The following PHF14 variants were observed in gnomAD, a reference collection of about 807,000 sequenced individuals.
PHF14 encodes the protein PHD finger protein 14.
In PHF14, 55 loss-of-function variants were observed where a neutral mutation model predicts 117.9. That is an observed-to-expected ratio of 0.47 (90% confidence interval 0.38 to 0.58). The LOEUF is 0.58. PHF14 is among the 20% of genes least tolerant of loss of function. PHF14 has a pLI of 0.00. For synonymous variants in PHF14, 409 were observed against 368.6 expected, an observed-to-expected ratio of 1.11 and a Z score of -1.26; for missense variants, 978 against 1,122.2, an observed-to-expected ratio of 0.87 and a Z score of 1.84.
chr7:11,138,607 A>G (rs1788310118), intron 17 of PHF14, among the ~76,000 whole-genome samples: 1 of 152,226 alleles, frequency 6.6e-6, no homozygotes, highest in Admixed American at 6.5e-5. Context: ...AGAATAAAAT[A>G]AAACAATAAC....
At chr7:11,112,161 T>C (rs1013345240) in intron 17 of PHF14, among the ~76,000 whole-genome samples, 3 of 152,198 alleles carry the variant, frequency 2.0e-5, no homozygotes, top group African/African-American at 7.2e-5. Flanking sequence ...AAATACTGAA[T>C]ACATTTGAAT....
chr7:11,028,858 A>T, intron 7 of PHF14, 40 bp downstream of exon 7: 1 of 1,569,360 alleles, frequency 6.4e-7, no homozygotes, highest in Non-Finnish European at 8.8e-7. Flanking sequence ...ACATGTTCAC[A>T]AGATATCTTT....
rs534767217 is a variant in PHF14 at position 11,023,017 on chromosome 7, A to G, written c.1317+38A>G. 4.1e-5 allele frequency: 47 copies of G among 1,158,198 alleles called. 1 individual carries two copies. The highest frequency in any genetic ancestry group is 5.5e-5 in the South Asian group (4 of 73,032). The allele number at this position is 1,158,198 out of a possible 1,614,324, so 71.7% of individuals were successfully genotyped here. A position where few individuals can be genotyped will look rare whatever the true frequency, so the allele number is the denominator to read the frequency against. On this transcript the variant is annotated intron_variant, in intron 6 of 17. Transcript: ENST00000634607. Reference sequence around the variant, plus strand: ...GCATTTTTGATTGCTTGAAAGAGAAAGGTTTTACTTGTTAGTTTACCTGGC... The same window carrying G: ...GCATTTTTGATTGCTTGAAAGAGAAGGGTTTTACTTGTTAGTTTACCTGGC...
At chr7:11,077,836 A>G (rs971239319) in intron 16 of PHF14, among the ~76,000 whole-genome samples, 1 of 152,196 alleles carries the variant, frequency 6.6e-6, no homozygotes, top group Admixed American at 6.5e-5. Context: ...TAGTAAGCTT[A>G]GCAAGTAAGA....
chr7:11,160,134 T>C (rs1464171908), intron 17 of PHF14, among the ~76,000 whole-genome samples: 10 of 152,148 alleles, frequency 6.6e-5, no homozygotes, highest in Admixed American at 6.6e-4. Context: ...GTACCCAATG[T>C]GCTCCCACTT....
chr7:10,992,354 G>T (rs1782491264), intron 4 of PHF14, among the ~76,000 whole-genome samples: 1 of 150,906 alleles, frequency 6.6e-6, no homozygotes, highest in Non-Finnish European at 1.5e-5. Flanking sequence ...GTGCCTGGCT[G>T]ACAGTATGTA....
chr7:11,041,533 C>T (rs1784506162), intron 12 of PHF14, among the ~76,000 whole-genome samples: 1 of 151,752 alleles, frequency 6.6e-6, no homozygotes. Flanking sequence ...AAATTTCTTT[C>T]TCAGAAATAG....
chr7:10,984,324 C>T (rs1231889931), intron 3 of PHF14, among the ~76,000 whole-genome samples: 1 of 152,118 alleles, frequency 6.6e-6, no homozygotes, highest in East Asian at 1.9e-4. Flanking sequence ...GGATTATAAA[C>T]ATTGGTTAAC....
chr7:11,092,916 CT>C (rs919688659), intron 16 of PHF14, among the ~76,000 whole-genome samples: 10 of 152,182 alleles, frequency 6.6e-5, no homozygotes, highest in African/African-American at 9.6e-5. Flanking sequence ...TTTTTTCCCC[CT>C]AATAGTGACC....
rs576612098 is a variant in PHF14 at position 10,998,462 on chromosome 7, A to G, written c.1045+7615A>G. Among the ~76,000 whole-genome samples, 3 of 152,326 alleles carry G rather than the reference A, an allele frequency of 2.0e-5. No individual in the cohort carries two copies. In the South Asian group the frequency reaches 6.2e-4, roughly 32 times the overall value. On this transcript the variant is annotated intron_variant, in intron 4 of 17. Transcript: ENST00000634607. ...GACACATATATGTATATATACACAC[A>G]CATACACAGCAATAAGACCACTTGA...
At chr7:11,132,302 ATTT>A (rs58675172) in intron 17 of PHF14, among the ~76,000 whole-genome samples, 6 of 142,618 alleles carry the variant, frequency 4.2e-5, no homozygotes, top group Non-Finnish European at 4.6e-5. Context: ...TATAATTGAG[ATTT>A]TTTTTTTTTT....
At position 10,982,784 on chromosome 7, in the gene PHF14, A is replaced by G; in HGVS notation, c.525A>G (p.Glu175=). The part of the protein sequence containing the change: ...SVPTTTTATE[E]QVSEPKKWNL... Reference sequence around the variant, plus strand: ...CCACTACGACAACCGCTACAGAGGAACAAGTCAGCGAGCCAAAAAAATGGA... The same window carrying G: ...CCACTACGACAACCGCTACAGAGGAGCAAGTCAGCGAGCCAAAAAAATGGA... Residue 175 remains glutamate (E), a synonymous_variant, in exon 3 of 18, where the codon GAA becomes GAG. Transcript: ENST00000634607. 2 of 1,613,938 alleles carry G rather than the reference A, an allele frequency of 1.2e-6. No homozygotes were observed. Among genetic ancestry groups the G allele is most frequent in the African/African-American group, 1.3e-5 (1 of 75,036 alleles).
At position 10,982,929 on chromosome 7, in the gene PHF14, A is replaced by C; in HGVS notation, c.670A>C (p.Arg224=). Residue 224 remains arginine (R), a synonymous_variant, in exon 3 of 18, where the codon AGA becomes CGA. Transcript: ENST00000634607. ...WRPTVVKRKG[R]SASQKEGSDG... is the part of the protein sequence containing the mutation. The stretch of plus-strand genomic sequence containing the variant: ...ACCTACTGTAGTAAAGAGAAAAGGG[A>C]GATCTGCGTCTCAGAAAGAGGGAAG... 2 of 1,609,942 alleles carry C rather than the reference A, an allele frequency of 1.2e-6. No individual in the cohort carries two copies. Among genetic ancestry groups the C allele is most frequent in the Non-Finnish European group, 1.7e-6 (2 of 1,177,690 alleles).
intron 17 of PHF14, among the ~76,000 whole-genome samples, chr7:11,155,814 G>A (rs905048157): frequency 6.6e-6 from 1 of 151,732 alleles, no homozygotes; most frequent in South Asian, 2.1e-4. Flanking sequence ...CACATAGCTA[G>A]CTAGTTGATG....
rs568829888 is a variant in PHF14 at position 11,027,133 on chromosome 7, A to T, written c.1318-1548A>T. ...TATTCACTCTGAAATCCCTTGCTCAATTTCAACATATTACATGAAATTATC... is the reference window on the plus strand; with the variant it reads ...TATTCACTCTGAAATCCCTTGCTCATTTTCAACATATTACATGAAATTATC... On this transcript the variant is annotated intron_variant, in intron 6 of 17. Coordinates refer to ENST00000634607, the MANE Select transcript of PHF14 (RefSeq NM_001007157.2). Among the ~76,000 whole-genome samples the T allele has an allele frequency of 1.6e-4, 25 of 152,292 alleles. 2 individuals are homozygous for T. The South Asian group carries it at 5.2e-3, about 32-fold the overall frequency.
At chr7:11,022,835 AT>A in intron 5 of PHF14, 32 bp from the exon 6 acceptor site, 5 of 1,280,936 alleles carry the variant, frequency 3.9e-6, no homozygotes, top group Non-Finnish European at 5.5e-6. Flanking sequence ...TTATTAAAAG[AT>A]TTGATAGCAA....
intron 3 of PHF14, among the ~76,000 whole-genome samples, chr7:10,987,651 T>G (rs1462935425): frequency 6.6e-6 from 1 of 152,162 alleles, no homozygotes; most frequent in Non-Finnish European, 1.5e-5. Context: ...GGTACTTTTT[T>G]GCCATTCAAA....
intron 3 of PHF14, among the ~76,000 whole-genome samples, chr7:10,988,037 A>G (rs1408699421): frequency 6.6e-6 from 1 of 151,596 alleles, no homozygotes; most frequent in Non-Finnish European, 1.5e-5. Flanking sequence ...AAAAAAGAAA[A>G]AGAAAAAAAA....
intron 17 of PHF14, among the ~76,000 whole-genome samples, chr7:11,154,126 T>C (rs1458149230): frequency 6.6e-6 from 1 of 152,170 alleles, no homozygotes; most frequent in African/African-American, 2.4e-5. Context: ...GTTATTTATA[T>C]GGAATTTACA....
Sources: allele counts gnomAD v4.1 joint callset (sites outside exome capture counted in the v4.1 genomes callset), GRCh38; gene constraint gnomAD v4.1.1; transcripts MANE v1.5; gene names NCBI Gene and HGNC (gene_info 2026-07-23, HGNC 2026-07-21).